Variants in RPS6KA2 observed in about 807,000 individuals in gnomAD.
RPS6KA2 encodes the protein ribosomal protein S6 kinase alpha-2.
In RPS6KA2, 42 loss-of-function variants were observed where a neutral mutation model predicts 91.8. The observed-to-expected ratio is 0.46, with a 90% CI of 0.36 to 0.59. The LOEUF (loss-of-function observed/expected upper bound fraction) is 0.59, where lower values mean the gene tolerates loss of function less well. Among genes scored for constraint, RPS6KA2 ranks in the 20% least tolerant of loss-of-function variants. RPS6KA2 has a pLI of 0.00. For missense variants in RPS6KA2, 798 were observed against 978.5 expected (o/e 0.82, Z 2.46); for synonymous variants, 414 against 393.6 (o/e 1.05, Z -0.61).
At chr6:166,595,208 C>T (rs987551349) in intron 1 of RPS6KA2, among the ~76,000 whole-genome samples, 17 of 152,232 alleles carry the variant, frequency 1.1e-4, no homozygotes, top group East Asian at 5.8e-4. Context: ...CATACCACCA[C>T]GTCCGGCTAA....
intron 2 of RPS6KA2, among the ~76,000 whole-genome samples, chr6:166,766,723 T>G (rs1343058172): frequency 6.6e-6 from 1 of 152,238 alleles, no homozygotes; most frequent in East Asian, 1.9e-4. Context: ...AATGCACAGA[T>G]TTTGAAAGCC....
intron 2 of RPS6KA2, among the ~76,000 whole-genome samples, chr6:166,656,056 A>C (rs1393615795): frequency 6.6e-6 from 1 of 152,264 alleles, no homozygotes; most frequent in African/African-American, 2.4e-5. Context: ...TGTGCACAGC[A>C]CACACCTCTA....
At chr6:166,416,654 CCTCCACCATCAG>C (rs1388579023) in intron 19 of RPS6KA2, among the ~76,000 whole-genome samples, 2 of 140,572 alleles carry the variant, frequency 1.4e-5, no homozygotes, top group East Asian at 4.5e-4. Flanking sequence ...CCCACCATTA[CCTCCACCATCAG>C]CTCCATCCCT....
chr6:166,698,272 G>C (rs567618406), intron 2 of RPS6KA2, among the ~76,000 whole-genome samples: 1 of 152,108 alleles, frequency 6.6e-6, no homozygotes, highest in Non-Finnish European at 1.5e-5. Flanking sequence ...AGGATGGGTC[G>C]GTATACAGCA....
At position 166,603,678 on chromosome 6, in the gene RPS6KA2, G is replaced by A. The variant is rs1385935574; in HGVS notation, c.99+23243C>T. On this transcript the variant is annotated intron_variant, in intron 1 of 20. Transcript: ENST00000265678. This position sits in a 1 kb window ranked among gnomAD's most constrained non-coding sequence, Gnocchi z 4.3. ...ATCGTGAACATGGCTGGCACATTCC[G>A]GGTGATCTAAGGCTCAAGTTAGACA... Among the ~76,000 whole-genome samples the A allele has an allele frequency of 1.3e-5, 2 of 152,192 alleles. No homozygotes were observed. The highest frequency in any genetic ancestry group is 2.9e-5 in the Non-Finnish European group (2 of 68,038).
rs1024468649 is a variant in RPS6KA2, at chr6:166,563,376, C to A, written c.100-24592G>T. ...GCTCACCTGTTCCCGGCTTTTCCTC[C>A]CAGTCTCCTGGGCTCGCCGCCAGCG... On this transcript the variant is annotated intron_variant, in intron 1 of 20. Coordinates refer to ENST00000265678, the MANE Select transcript of RPS6KA2 (RefSeq NM_021135.6). This position sits in a 1 kb window ranked among gnomAD's most constrained non-coding sequence, Gnocchi z 4.1. Among the ~76,000 whole-genome samples, 5 of 152,208 alleles carry A rather than the reference C, an allele frequency of 3.3e-5. No individual in the cohort carries two copies. The highest frequency in any genetic ancestry group is 1.2e-4 in the African/African-American group (5 of 41,452).
chr6:166,764,299 G>T (rs547738189), intron 2 of RPS6KA2, among the ~76,000 whole-genome samples: 1 of 152,254 alleles, frequency 6.6e-6, no homozygotes, highest in East Asian at 1.9e-4. Context: ...GACACCAGGG[G>T]GCGCGTGAAA....
intron 2 of RPS6KA2, among the ~76,000 whole-genome samples, chr6:166,789,073 G>A (rs932113539): frequency 1.3e-5 from 2 of 152,156 alleles, no homozygotes; most frequent in Admixed American, 6.5e-5. Flanking sequence ...TACCTCACTC[G>A]GGAAGTGCAA....
chr6:166,510,136 C>T, intron 4 of RPS6KA2, 141 bp downstream of exon 4: 2 of 465,998 alleles, frequency 4.3e-6, no homozygotes, highest in Middle Eastern at 4.7e-4. Context: ...ATAGAAGGCA[C>T]CTTCCTCCCC....
chr6:166,678,437 CCTT>C (rs1788680676), intron 2 of RPS6KA2, among the ~76,000 whole-genome samples: 1 of 152,216 alleles, frequency 6.6e-6, no homozygotes, highest in African/African-American at 2.4e-5. Flanking sequence ...TAGCTCAAAA[CCTT>C]CTTTTCGCTA....
chr6:166,486,647 G>A (rs921668504), intron 10 of RPS6KA2, among the ~76,000 whole-genome samples: 2 of 152,272 alleles, frequency 1.3e-5, no homozygotes, highest in African/African-American at 4.8e-5. Context: ...CTGCCAGGTG[G>A]CATTGGGGGC....
chr6:166,550,493 C>G (rs1359342041), intron 1 of RPS6KA2, among the ~76,000 whole-genome samples: 1 of 152,078 alleles, frequency 6.6e-6, no homozygotes, highest in African/African-American at 2.4e-5. Flanking sequence ...ATTTTTTATA[C>G]TCAACACACA....
intron 10 of RPS6KA2, among the ~76,000 whole-genome samples, chr6:166,483,117 T>C (rs1781292140): frequency 6.6e-6 from 1 of 152,208 alleles, no homozygotes; most frequent in Admixed American, 6.5e-5. Context: ...GCCGCTTTTA[T>C]AGGACATGTT....
chr6:166,710,252 A>C (rs1328732508), intron 2 of RPS6KA2, among the ~76,000 whole-genome samples: 1 of 152,242 alleles, frequency 6.6e-6, no homozygotes, highest in Non-Finnish European at 1.5e-5. Flanking sequence ...TGGAGTATTC[A>C]AAGTAACACT....
At chr6:166,789,953 G>A (rs557910847) in intron 2 of RPS6KA2, among the ~76,000 whole-genome samples, 58 of 152,348 alleles carry the variant, frequency 3.8e-4, no homozygotes, top group African/African-American at 1.2e-3. Flanking sequence ...AAAGCAGAGC[G>A]CCTCTCCTCC....
intron 1 of RPS6KA2, among the ~76,000 whole-genome samples, chr6:166,559,868 C>A (rs935254920): frequency 6.6e-6 from 1 of 152,194 alleles, no homozygotes; most frequent in Non-Finnish European, 1.5e-5. Context: ...CAAGAGGCCT[C>A]TTAAAATGTT....
chr6:166,702,219 T>C (rs925025363), intron 2 of RPS6KA2: 3 of 1,610,636 alleles, frequency 1.9e-6, no homozygotes, highest in Admixed American at 1.7e-5. Context: ...ACAAATTGGG[T>C]GGGAACCAGC....
intron 17 of RPS6KA2, among the ~76,000 whole-genome samples, chr6:166,420,504 T>C (rs998665944): frequency 6.6e-6 from 1 of 152,190 alleles, no homozygotes; most frequent in Non-Finnish European, 1.5e-5. Context: ...GCAATGTTTG[T>C]CTTTCTGTGA....
intron 16 of RPS6KA2, among the ~76,000 whole-genome samples, chr6:166,429,512 G>A (rs568882199): frequency 7.2e-5 from 11 of 152,262 alleles, no homozygotes; most frequent in Non-Finnish European, 1.3e-4. Context: ...GTGCAGTGGC[G>A]TGATCTTGGC....
Sources: gnomAD v4.1 joint callset for allele counts (sites outside exome capture counted in the v4.1 genomes callset) on GRCh38, gnomAD v4.1.1 for gene constraint, Gnocchi (gnomAD v3.1) non-coding constraint, MANE v1.5 for transcripts, NCBI Gene and HGNC (gene_info 2026-07-23, HGNC 2026-07-21) for gene names.